Variants in RBFOX1 observed in about 807,000 individuals in gnomAD.
The protein encoded by RBFOX1 is RNA binding fox-1 homolog 1.
A neutral mutation model predicts 57.7 loss-of-function variants in RBFOX1; 8 were observed. The ratio of observed to expected loss-of-function variants is 0.14; its 90% CI spans 0.08 to 0.25. The LOEUF is 0.25. RBFOX1 is among the 10% of genes least tolerant of loss of function. The pLI is 1.00. For missense variants in RBFOX1, 611 were observed against 548.5 expected, an observed-to-expected ratio of 1.11 and a Z score of -1.14; for synonymous variants, 326 against 222.4, an observed-to-expected ratio of 1.47 and a Z score of -4.15.
At chr16:5,676,530 A>C (rs1257884743) in intron 3 of RBFOX1, among the ~76,000 whole-genome samples, 2 of 152,270 alleles carry the variant, frequency 1.3e-5, no homozygotes, top group African/African-American at 4.8e-5. Context: ...GATAGCAATG[A>C]GTTGTTGTGA....
At chr16:6,883,208 G>C (rs1327315068) in intron 3 of RBFOX1, among the ~76,000 whole-genome samples, 2 of 152,176 alleles carry the variant, frequency 1.3e-5, no homozygotes, top group South Asian at 2.1e-4. Context: ...TAGAAAGAAA[G>C]TACTTAGCTT....
intron 4 of RBFOX1, among the ~76,000 whole-genome samples, chr16:5,877,495 C>T (rs1211764981): frequency 6.6e-6 from 1 of 152,224 alleles, no homozygotes; most frequent in Admixed American, 6.5e-5. Context: ...GTCTTCCTTT[C>T]CCATTTACCC....
At chr16:6,117,523 A>G (rs1445458556) in intron 1 of RBFOX1, among the ~76,000 whole-genome samples, 1 of 152,274 alleles carries the variant, frequency 6.6e-6, no homozygotes, top group Non-Finnish European at 1.5e-5. Context: ...CCTCCCTCAT[A>G]AATGAGATTA....
At chr16:6,478,429 A>ATATATATATT (rs1159954387) in intron 2 of RBFOX1, among the ~76,000 whole-genome samples, 6 of 24,616 alleles carry the variant, frequency 2.4e-4, no homozygotes, top group Admixed American at 6.1e-4. Context: ...ATATATATAT[A>ATATATATATT]TTTTTTTTTT....
intron 4 of RBFOX1, among the ~76,000 whole-genome samples, chr16:7,512,490 C>G (rs890758973): frequency 2.0e-5 from 3 of 152,160 alleles, no homozygotes; most frequent in African/African-American, 7.2e-5. Context: ...TAATTAGGGT[C>G]TCTCTGGAAC....
chr16:6,521,637 A>C (rs557538993), intron 2 of RBFOX1, among the ~76,000 whole-genome samples: 13 of 151,986 alleles, frequency 8.6e-5, no homozygotes, highest in African/African-American at 3.1e-4. Context: ...TTATGTTTCA[A>C]AGAAATACTT....
At chr16:6,525,956 G>A (rs1417642653) in intron 2 of RBFOX1, among the ~76,000 whole-genome samples, 3 of 152,086 alleles carry the variant, frequency 2.0e-5, no homozygotes, top group Non-Finnish European at 4.4e-5. Flanking sequence ...AACTAATGGT[G>A]GCTGAATGCG....
At chr16:6,664,050 G>C (rs1251718090) in intron 3 of RBFOX1, among the ~76,000 whole-genome samples, 2 of 152,234 alleles carry the variant, frequency 1.3e-5, no homozygotes, top group Non-Finnish European at 2.9e-5. Context: ...ATCACCATGA[G>C]AAATGGTCAG....
In RBFOX1 at chr16:6,483,225, G is replaced by A. The variant is rs771735187; in HGVS notation, c.-64+166168G>A. On this transcript the variant is annotated intron_variant, in intron 2 of 15. Coordinates refer to ENST00000550418, the MANE Select transcript of RBFOX1 (RefSeq NM_018723.4). ...GAGGCCGGCCGGGGAAGCCGGACCC[G>A]GGCCCTGGCGCCGCCGTGGCCTCCC... 164 of 1,223,198 alleles carry A rather than the reference G, an allele frequency of 1.3e-4. No homozygotes were observed. In the Middle Eastern group the frequency reaches 2.3e-3, roughly 17 times the overall value. The allele number at this position is 1,223,198 out of a possible 1,614,324, so 75.8% of individuals were successfully genotyped here. A position where few individuals can be genotyped will look rare whatever the true frequency, so the allele number is the denominator to read the frequency against.
At chr16:6,678,648 A>G (rs1287262810) in intron 3 of RBFOX1, among the ~76,000 whole-genome samples, 2 of 151,594 alleles carry the variant, frequency 1.3e-5, no homozygotes, top group Non-Finnish European at 2.9e-5. Flanking sequence ...TATGTGGGAA[A>G]TGACACTTCT....
At chr16:6,204,574 A>C (rs1372692660) in intron 1 of RBFOX1, among the ~76,000 whole-genome samples, 1 of 152,206 alleles carries the variant, frequency 6.6e-6, no homozygotes, top group Non-Finnish European at 1.5e-5. Flanking sequence ...CCAGGCATAG[A>C]AGTGGGAGCA....
At chr16:6,434,806 A>G (rs2094189808) in intron 2 of RBFOX1, among the ~76,000 whole-genome samples, 1 of 152,168 alleles carries the variant, frequency 6.6e-6, no homozygotes, top group African/African-American at 2.4e-5. Context: ...TGCATTTCCA[A>G]TGTATTCTTC....
At chr16:6,976,541 A>C (rs2086898719) in intron 3 of RBFOX1, among the ~76,000 whole-genome samples, 1 of 151,984 alleles carries the variant, frequency 6.6e-6, no homozygotes, top group African/African-American at 2.4e-5. Flanking sequence ...TGCAAACTAA[A>C]AAAGCAAGTT....
intron 4 of RBFOX1, among the ~76,000 whole-genome samples, chr16:7,467,168 C>T (rs1028586743): frequency 1.3e-5 from 2 of 152,178 alleles, no homozygotes; most frequent in Non-Finnish European, 2.9e-5. Flanking sequence ...GGAAATCAGA[C>T]TTCTTTGCAT....
At chr16:6,936,735 G>A (rs1260583199) in intron 3 of RBFOX1, among the ~76,000 whole-genome samples, 3 of 152,096 alleles carry the variant, frequency 2.0e-5, no homozygotes, top group Admixed American at 6.6e-5. Flanking sequence ...ACAGCTAGAG[G>A]TAGGGTAATT....
chr16:7,671,350 G>C lies in RBFOX1; in HGVS notation c.931-5424G>C, dbSNP rs1568383526. Among the ~76,000 whole-genome samples the C allele has an allele frequency of 2.0e-5, 3 of 152,166 alleles. 1 individual carries two copies. Among genetic ancestry groups the C allele is most frequent in the African/African-American group, 4.8e-5 (2 of 41,448 alleles). On this transcript the variant is annotated intron_variant, in intron 13 of 15. Transcript: ENST00000550418. ...GTGGTTTGATCCCCATCTCCACCTT[G>C]ATACTCTCCATTGCAGAGATTTGCA...
At chr16:6,568,764 T>C (rs752845597) in intron 2 of RBFOX1, among the ~76,000 whole-genome samples, 6 of 151,968 alleles carry the variant, frequency 3.9e-5, no homozygotes, top group Non-Finnish European at 7.3e-5. Flanking sequence ...AGTGTGCTTA[T>C]AACTCTTTTT....
rs1160534196 is a variant in RBFOX1, at chr16:6,808,169, T to TG, written c.-16+153520dup. The stretch of plus-strand genomic sequence containing the variant: ...ATATTATACCTTATATATGTGTGTG[T>TG]GTGTGTGTGTATATATATATATATA... On this transcript the variant is annotated intron_variant, in intron 3 of 15. Coordinates refer to ENST00000550418, the MANE Select transcript of RBFOX1 (RefSeq NM_018723.4). Among the ~76,000 whole-genome samples the TG allele has an allele frequency of 7.2e-3, 1,041 of 144,886 alleles. 13 individuals carry two copies. The highest frequency in any genetic ancestry group is 0.027 in the African/African-American group (989 of 36,304).
chr16:6,166,138 G>C (rs957994720), intron 1 of RBFOX1, among the ~76,000 whole-genome samples: 1 of 152,134 alleles, frequency 6.6e-6, no homozygotes, highest in Admixed American at 6.5e-5. Flanking sequence ...GTGGCTTCTG[G>C]TTCCCCAAGT....
Sources: allele counts gnomAD v4.1 joint callset (sites outside exome capture counted in the v4.1 genomes callset), GRCh38; gene constraint gnomAD v4.1.1; transcripts MANE v1.5; gene names NCBI Gene and HGNC (gene_info 2026-07-23, HGNC 2026-07-21).